The following ADAMTS17 variants were observed in gnomAD, a reference collection of about 807,000 sequenced individuals.
The protein encoded by ADAMTS17 is A disintegrin and metalloproteinase with thrombospondin motifs 17.
ADAMTS17 carries 113 observed loss-of-function variants against 141.5 expected under a neutral mutation model. The observed-to-expected ratio is 0.80, with a 90% CI of 0.69 to 0.93. ADAMTS17 has a LOEUF of 0.93. Among genes scored for constraint, ADAMTS17 ranks in the 40% least tolerant of loss-of-function variants. The pLI, the probability that ADAMTS17 is intolerant of heterozygous loss-of-function variation, is 0.00. For missense variants in ADAMTS17, 1,659 were observed against 1,517.9 expected (o/e 1.09, Z -1.54); for synonymous variants, 768 against 630.6 (o/e 1.22, Z -3.27).
At chr15:100,043,008 G>A (rs895893029) in intron 18 of ADAMTS17, among the ~76,000 whole-genome samples, 3 of 152,150 alleles carry the variant, frequency 2.0e-5, no homozygotes, top group African/African-American at 2.4e-5. Context: ...ATGTATGTAC[G>A]CACGGATCTA....
chr15:100,042,242 T>C (rs537507733), intron 18 of ADAMTS17, among the ~76,000 whole-genome samples: 9 of 152,340 alleles, frequency 5.9e-5, no homozygotes, highest in South Asian at 2.1e-4. Context: ...CATGTAACCA[T>C]AGGTTCTTAT....
chr15:100,280,070 A>G (rs28622049), intron 4 of ADAMTS17, among the ~76,000 whole-genome samples: 15,666 of 151,810 alleles, frequency 0.1, 838 homozygotes, highest in African/African-American at 0.13. Context: ...AGGCAGTGCT[A>G]CTCACTCCGC....
intron 4 of ADAMTS17, among the ~76,000 whole-genome samples, chr15:100,270,587 C>T (rs1363031189): frequency 6.6e-6 from 1 of 151,662 alleles, no homozygotes; most frequent in Non-Finnish European, 1.5e-5. Context: ...ATCAGTCATT[C>T]ATTTATGCAT....
chr15:100,214,436 T>C (rs1331352864), intron 7 of ADAMTS17, among the ~76,000 whole-genome samples: 1 of 152,244 alleles, frequency 6.6e-6, no homozygotes, highest in Non-Finnish European at 1.5e-5. Flanking sequence ...AAGTGATTCA[T>C]TCATTATTCT....
At chr15:100,011,773 C>T (rs79898361) in intron 18 of ADAMTS17, among the ~76,000 whole-genome samples, 1 of 152,134 alleles carries the variant, frequency 6.6e-6, no homozygotes, top group African/African-American at 2.4e-5. Context: ...ATAAATATAC[C>T]ACAGTCTCTT....
At chr15:100,188,148 C>G (rs978023465) in intron 8 of ADAMTS17, among the ~76,000 whole-genome samples, 1 of 152,000 alleles carries the variant, frequency 6.6e-6, no homozygotes, top group Non-Finnish European at 1.5e-5. Context: ...GTGATTTCGG[C>G]TCACTGTAAC....
chr15:100,095,219 G>A (rs750456932), intron 15 of ADAMTS17, among the ~76,000 whole-genome samples: 2 of 152,154 alleles, frequency 1.3e-5, no homozygotes, highest in South Asian at 2.1e-4. Context: ...ACTAAGCTCC[G>A]TGCCTCACTG....
rs760184660 is a variant in ADAMTS17 at position 99,974,221 on chromosome 15, G to A, written c.*181C>T. The A allele has an allele frequency of 2.1e-5, 15 of 712,018 alleles. No homozygotes were observed. The highest frequency in any genetic ancestry group is 3.9e-4 in the Middle Eastern group (1 of 2,592). The allele number at this position is 712,018 out of a possible 1,614,324, so 44.1% of individuals were successfully genotyped here. On this transcript the variant is annotated 3_prime_UTR_variant, in exon 22 of 22. Transcript: ENST00000268070. ...TCCTCACTGTAGAAAGCCAGCCAGT[G>A]GCTGTTAACAATATATTAAGTACGG...
intron 14 of ADAMTS17, among the ~76,000 whole-genome samples, chr15:100,103,240 A>C (rs1342597951): frequency 6.6e-6 from 1 of 152,234 alleles, no homozygotes; most frequent in African/African-American, 2.4e-5. Flanking sequence ...TTTGGCACCC[A>C]CAGTAACACA....
intron 15 of ADAMTS17, 90 bp downstream of exon 15, chr15:100,096,266 A>G: frequency 1.3e-6 from 2 of 1,593,596 alleles, no homozygotes; most frequent in Non-Finnish European, 1.7e-6. Flanking sequence ...TAGCCCTTAA[A>G]TATGAAATGT....
chr15:100,067,237 T>C (rs1357682183), intron 15 of ADAMTS17, among the ~76,000 whole-genome samples: 2 of 151,796 alleles, frequency 1.3e-5, no homozygotes, highest in African/African-American at 4.8e-5. Flanking sequence ...GCCATCATTC[T>C]AAGTGTCGTT....
chr15:100,213,895 C>T (rs1054489747), intron 7 of ADAMTS17, among the ~76,000 whole-genome samples: 45 of 152,322 alleles, frequency 3.0e-4, no homozygotes, highest in African/African-American at 1.1e-3. Flanking sequence ...GGTGCTGAGC[C>T]CCTATGTCAA....
At chr15:100,001,031 T>C (rs529928652) in intron 18 of ADAMTS17, among the ~76,000 whole-genome samples, 6 of 152,288 alleles carry the variant, frequency 3.9e-5, no homozygotes, top group Admixed American at 2.6e-4. Context: ...CTGGGGGCTA[T>C]GGTCAAGAAA....
chr15:100,326,170 T>C (rs1268124728), intron 3 of ADAMTS17, among the ~76,000 whole-genome samples: 1 of 152,168 alleles, frequency 6.6e-6, no homozygotes, highest in East Asian at 1.9e-4. Flanking sequence ...CTTAAACTAT[T>C]GATGTCTACT....
intron 15 of ADAMTS17, among the ~76,000 whole-genome samples, chr15:100,075,379 T>C (rs1333423645): frequency 6.6e-6 from 1 of 152,218 alleles, no homozygotes; most frequent in Non-Finnish European, 1.5e-5. Flanking sequence ...GGGAATTCCA[T>C]TTTCTGAAAT....
chr15:100,050,283 G>A (rs1435903418), intron 17 of ADAMTS17, among the ~76,000 whole-genome samples: 1 of 152,226 alleles, frequency 6.6e-6, no homozygotes, highest in African/African-American at 2.4e-5. Flanking sequence ...AGGAGAGCCT[G>A]ACTATTCCAT....
At chr15:100,063,079 T>G (rs1421200068) in intron 15 of ADAMTS17, among the ~76,000 whole-genome samples, 1 of 152,230 alleles carries the variant, frequency 6.6e-6, no homozygotes, top group Non-Finnish European at 1.5e-5. Flanking sequence ...TTTATCAGAA[T>G]GGCTTTGCTC....
chr15:100,056,620 C>T (rs575645106), intron 15 of ADAMTS17, among the ~76,000 whole-genome samples: 10 of 152,278 alleles, frequency 6.6e-5, no homozygotes, highest in East Asian at 1.9e-4. Context: ...GCAGCTCAGG[C>T]GGTCATGCTC....
rs1251816915 is a variant in ADAMTS17, at chr15:100,058,206, A to C, written c.2138-4152T>G. 1.6e-3 allele frequency among the ~76,000 whole-genome samples: 24 copies of C among 14,638 alleles called. 1 individual carries two copies. The highest frequency in any genetic ancestry group is 8.2e-3 in the South Asian group (3 of 366). 9.6% of individuals were successfully genotyped at this position (14,638 alleles called of 152,430 possible). On this transcript the variant is annotated intron_variant, in intron 15 of 21. Coordinates refer to ENST00000268070, the MANE Select transcript of ADAMTS17 (RefSeq NM_139057.4). ...CTAACACCCCTATCCCAGCTCCAAC[A>C]CCCCTATTCCGGCTCCAACACTCCT...
Sources: gnomAD v4.1 joint callset for allele counts (sites outside exome capture counted in the v4.1 genomes callset) on GRCh38, gnomAD v4.1.1 for gene constraint, MANE v1.5 for transcripts, NCBI Gene and HGNC (gene_info 2026-07-23, HGNC 2026-07-21) for gene names.